TCF7L2: variants seen among roughly 807,000 people sequenced by gnomAD.
TCF7L2 encodes transcription factor 7-like 2.
Under a neutral mutation model 77.9 loss-of-function variants are expected in TCF7L2, and 23 were observed. That is an observed-to-expected ratio of 0.30 (90% CI 0.21 to 0.42). TCF7L2 has a LOEUF of 0.42. Among genes scored for constraint, TCF7L2 ranks in the 10% least tolerant of loss-of-function variants. TCF7L2 has a pLI of 1.00. For missense variants in TCF7L2, 654 were observed against 793.1 expected, an observed-to-expected ratio of 0.82 and a Z score of 2.11; for synonymous variants, 413 against 340.2, an observed-to-expected ratio of 1.21 and a Z score of -2.36.
At chr10:113,015,968 G>GT (rs1307803371) in intron 4 of TCF7L2, among the ~76,000 whole-genome samples, 6 of 152,268 alleles carry the variant, frequency 3.9e-5, no homozygotes, top group Non-Finnish European at 5.9e-5. Flanking sequence ...TGGGGTCTGG[G>GT]GTTAAGACCA....
intron 4 of TCF7L2, among the ~76,000 whole-genome samples, chr10:113,034,014 G>A (rs1170875745): frequency 6.6e-6 from 1 of 152,176 alleles, no homozygotes; most frequent in African/African-American, 2.4e-5. Context: ...ACCATTCTGG[G>A]TAAATTGGGA....
intron 5 of TCF7L2, among the ~76,000 whole-genome samples, chr10:113,139,868 A>G (rs546308451): frequency 5.0e-4 from 75 of 150,908 alleles, no homozygotes; most frequent in Non-Finnish European, 1.0e-3. Flanking sequence ...CTAACTGCTT[A>G]GTGATCCCTC....
At chr10:113,152,501 A>G in intron 11 of TCF7L2, 61 bp downstream of exon 11, 1 of 1,406,216 alleles carries the variant, frequency 7.1e-7, no homozygotes, top group South Asian at 1.3e-5. Context: ...GTCTATACGG[A>G]CAAAGAGAAC....
intron 12 of TCF7L2, chr10:113,159,932 C>T: frequency 6.4e-7 from 1 of 1,566,554 alleles, no homozygotes. Flanking sequence ...CTGAGCGCTC[C>T]TAAGAAATGC....
intron 4 of TCF7L2, among the ~76,000 whole-genome samples, chr10:113,010,349 T>C (rs2046248752): frequency 1.3e-5 from 2 of 152,172 alleles, no homozygotes; most frequent in African/African-American, 4.8e-5. Flanking sequence ...AGAGCTTTTA[T>C]AAAAATGCCA....
At chr10:113,118,981 C>T (rs1035071757) in intron 5 of TCF7L2, among the ~76,000 whole-genome samples, 7 of 152,148 alleles carry the variant, frequency 4.6e-5, no homozygotes, top group Admixed American at 6.5e-5. Context: ...AAATAGTCGA[C>T]GTTATCAGGC....
At chr10:112,961,266 C>CCCCCCCT (rs2035120787) in intron 3 of TCF7L2, among the ~76,000 whole-genome samples, 1 of 125,846 alleles carries the variant, frequency 7.9e-6, no homozygotes, top group African/African-American at 3.1e-5. Context: ...CCCCCCCCCC[C>CCCCCCCT]CAACCTCGGC....
chr10:113,047,804 C>T (rs1303152748), intron 5 of TCF7L2, among the ~76,000 whole-genome samples: 1 of 152,146 alleles, frequency 6.6e-6, no homozygotes, highest in African/African-American at 2.4e-5. Context: ...AAGGTCAGCC[C>T]ACAATGAATG....
intron 13 of TCF7L2, among the ~76,000 whole-genome samples, chr10:113,163,825 C>G (rs1427303692): frequency 2.0e-5 from 3 of 152,086 alleles, no homozygotes; most frequent in Admixed American, 2.0e-4. Context: ...TCCCTTACAC[C>G]CCTCCCCTCC....
At chr10:113,142,617 C>T (rs538516836) in intron 6 of TCF7L2, among the ~76,000 whole-genome samples, 56 of 152,268 alleles carry the variant, frequency 3.7e-4, no homozygotes, top group African/African-American at 1.0e-3. Context: ...TGCCCCTGAA[C>T]GAAGCCACAC....
intron 4 of TCF7L2, among the ~76,000 whole-genome samples, chr10:113,014,394 A>C (rs923972166): frequency 6.6e-6 from 1 of 152,176 alleles, no homozygotes; most frequent in Non-Finnish European, 1.5e-5. Context: ...TTTCAGGGCC[A>C]AGGATGCTTC....
intron 4 of TCF7L2, among the ~76,000 whole-genome samples, chr10:112,975,180 T>A (rs2135035623): frequency 6.6e-6 from 1 of 152,334 alleles, no homozygotes; most frequent in Middle Eastern, 3.4e-3. Flanking sequence ...TATATTTATA[T>A]GTTATAAAAA....
At chr10:113,063,871 G>C (rs2056861345) in intron 5 of TCF7L2, among the ~76,000 whole-genome samples, 1 of 149,568 alleles carries the variant, frequency 6.7e-6, no homozygotes, top group Admixed American at 6.8e-5. Context: ...AAGAGTGTAT[G>C]TGTGTGTGCA....
chr10:113,118,640 G>A (rs1266723239), intron 5 of TCF7L2, among the ~76,000 whole-genome samples: 1 of 143,674 alleles, frequency 7.0e-6, no homozygotes, highest in Non-Finnish European at 1.5e-5. Context: ...ATCTGTTGGG[G>A]AAGTTTTTTT....
At chr10:113,012,851 T>G (rs1176301063) in intron 4 of TCF7L2, among the ~76,000 whole-genome samples, 1 of 152,144 alleles carries the variant, frequency 6.6e-6, no homozygotes, top group East Asian at 1.9e-4. Flanking sequence ...TTCACATGAT[T>G]AATTTTGACT....
Position 112,986,070 on chromosome 10 carries a change from G to A in TCF7L2, c.450+21446G>A, listed in dbSNP as rs1413977625. ...TTTTCCTGGGTAATTCTGCACCCCC[G>A]CTCCCACCTTTACAGAAACACTAAG... On this transcript the variant is annotated intron_variant, in intron 4 of 13. Transcript: ENST00000627217. Among the ~76,000 whole-genome samples, 3 of 151,922 alleles carry A rather than the reference G, an allele frequency of 2.0e-5. No individual in the cohort carries two copies. In the East Asian group the frequency reaches 5.8e-4, roughly 29 times the overall value.
At chr10:113,026,765 G>A (rs1039228164) in intron 4 of TCF7L2, among the ~76,000 whole-genome samples, 1 of 152,202 alleles carries the variant, frequency 6.6e-6, no homozygotes, top group African/African-American at 2.4e-5. Context: ...CTCTAGAAGT[G>A]GAGATGGCCA....
intron 4 of TCF7L2, among the ~76,000 whole-genome samples, chr10:113,029,235 T>G (rs79289741): frequency 1.1e-4 from 17 of 152,160 alleles, no homozygotes; most frequent in Non-Finnish European, 2.5e-4. Context: ...TTCTGTTGTT[T>G]TTTAGCCACA....
At chr10:113,164,996 T>C (rs1592537911) in intron 13 of TCF7L2, among the ~76,000 whole-genome samples, 1 of 152,148 alleles carries the variant, frequency 6.6e-6, no homozygotes, top group East Asian at 1.9e-4. Flanking sequence ...TTTTGAGAGT[T>C]TCATATTGAT....
Sources: allele counts gnomAD v4.1 joint callset (sites outside exome capture counted in the v4.1 genomes callset), GRCh38; gene constraint gnomAD v4.1.1; transcripts MANE v1.5; gene names NCBI Gene and HGNC (gene_info 2026-07-23, HGNC 2026-07-21).